SMYD3: variants seen among roughly 807,000 people sequenced by gnomAD.
SMYD3 encodes histone-lysine N-methyltransferase SMYD3.
SMYD3 carries 36 observed loss-of-function variants against 57.7 expected under a neutral mutation model. That is an observed-to-expected ratio of 0.62 (90% CI 0.48 to 0.82). The LOEUF is 0.82. Among genes scored for constraint, SMYD3 ranks in the 40% least tolerant of loss-of-function variants. The pLI, the probability that SMYD3 is intolerant of heterozygous loss-of-function variation, is 0.00. For missense variants in SMYD3, 515 were observed against 538.8 expected (o/e 0.96, Z 0.44); for synonymous variants, 211 against 195.0 (o/e 1.08, Z -0.68).
intron 5 of SMYD3, among the ~76,000 whole-genome samples, chr1:245,956,811 G>A (rs1385268194): frequency 1.3e-5 from 2 of 152,210 alleles, no homozygotes; most frequent in African/African-American, 4.8e-5. Context: ...CTTCCATTCT[G>A]TTGGAGCAAT....
chr1:246,178,600 T>C (rs1219533430), intron 5 of SMYD3, among the ~76,000 whole-genome samples: 1 of 152,274 alleles, frequency 6.6e-6, no homozygotes, highest in South Asian at 2.1e-4. Flanking sequence ...GGCTACAGCA[T>C]AAAAACAGGC....
chr1:245,756,006 G>A (rs183527490), intron 11 of SMYD3, among the ~76,000 whole-genome samples: 7 of 150,478 alleles, frequency 4.7e-5, no homozygotes, highest in Admixed American at 4.0e-4. Context: ...CCTTTCTGTG[G>A]GTTAAACTTT....
At chr1:246,241,890 A>G (rs1277568949) in intron 5 of SMYD3, among the ~76,000 whole-genome samples, 3 of 152,134 alleles carry the variant, frequency 2.0e-5, no homozygotes, top group Admixed American at 2.0e-4. Context: ...AGAGGTGTTT[A>G]TAGTATTCTC....
At chr1:245,870,820 G>T (rs867539213) in intron 8 of SMYD3, among the ~76,000 whole-genome samples, 1 of 66,118 alleles carries the variant, frequency 1.5e-5, no homozygotes, top group South Asian at 1.0e-3. Flanking sequence ...GTGACCACGG[G>T]CTCTGTCAGG....
intron 5 of SMYD3, among the ~76,000 whole-genome samples, chr1:246,314,335 T>C (rs1260802704): frequency 6.6e-6 from 1 of 152,104 alleles, no homozygotes; most frequent in Non-Finnish European, 1.5e-5. Flanking sequence ...CAGAATGCAG[T>C]ATGGTGGAAT....
At chr1:246,077,564 T>C (rs928114765) in intron 5 of SMYD3, among the ~76,000 whole-genome samples, 1 of 152,170 alleles carries the variant, frequency 6.6e-6, no homozygotes, top group Non-Finnish European at 1.5e-5. Context: ...GGAATCTTTT[T>C]TTTTTCTGTA....
chr1:246,302,738 C>T (rs1237382626), intron 5 of SMYD3, among the ~76,000 whole-genome samples: 1 of 152,012 alleles, frequency 6.6e-6, no homozygotes, highest in Non-Finnish European at 1.5e-5. Context: ...GCCACAACTC[C>T]CAATTTTCCA....
intron 1 of SMYD3, among the ~76,000 whole-genome samples, chr1:246,468,874 G>A (rs2067919422): frequency 6.6e-6 from 1 of 152,120 alleles, no homozygotes. Flanking sequence ...TACTTAGGAG[G>A]CTAAGGCAGG....
At chr1:246,220,011 G>A (rs1251393101) in intron 5 of SMYD3, among the ~76,000 whole-genome samples, 1 of 152,146 alleles carries the variant, frequency 6.6e-6, no homozygotes, top group Admixed American at 6.5e-5. Flanking sequence ...CCTGTTGCAA[G>A]TCCCACGAGG....
At chr1:246,312,743 T>G (rs1466192217) in intron 5 of SMYD3, among the ~76,000 whole-genome samples, 2 of 152,170 alleles carry the variant, frequency 1.3e-5, no homozygotes, top group Non-Finnish European at 2.9e-5. Context: ...AGCACCATAT[T>G]GTCATTCAAC....
intron 5 of SMYD3, among the ~76,000 whole-genome samples, chr1:246,148,310 T>G (rs1282884841): frequency 6.6e-6 from 1 of 152,104 alleles, no homozygotes; most frequent in Non-Finnish European, 1.5e-5. Context: ...TTCAGAGACC[T>G]GCAGAGATGT....
At chr1:246,411,526 A>C (rs1203711190) in intron 1 of SMYD3, among the ~76,000 whole-genome samples, 2 of 152,190 alleles carry the variant, frequency 1.3e-5, no homozygotes, top group African/African-American at 2.4e-5. Context: ...ACACGCACAC[A>C]TATGTTTATT....
At chr1:246,134,124 A>C (rs979326538) in intron 5 of SMYD3, among the ~76,000 whole-genome samples, 2 of 152,146 alleles carry the variant, frequency 1.3e-5, no homozygotes, top group African/African-American at 4.8e-5. Context: ...ACCTAGCTTC[A>C]TAAGCATGTC....
At chr1:246,504,777 C>CA (rs2068510599) in intron 1 of SMYD3, among the ~76,000 whole-genome samples, 1 of 152,102 alleles carries the variant, frequency 6.6e-6, no homozygotes, top group African/African-American at 2.4e-5. Flanking sequence ...ACTGGGGCTA[C>CA]AAAAACTGAA....
intron 5 of SMYD3, among the ~76,000 whole-genome samples, chr1:246,311,567 A>C (rs933120812): frequency 6.6e-6 from 1 of 152,260 alleles, no homozygotes; most frequent in Admixed American, 6.5e-5. Flanking sequence ...AATCAGAATA[A>C]CTTACAGGTA....
intron 5 of SMYD3, among the ~76,000 whole-genome samples, chr1:246,021,927 G>A (rs1335366016): frequency 6.6e-6 from 1 of 152,134 alleles, no homozygotes; most frequent in Non-Finnish European, 1.5e-5. Context: ...CCTCTTGGAA[G>A]GTTTGACTGG....
chr1:246,274,558 T>C (rs184850798), intron 5 of SMYD3, among the ~76,000 whole-genome samples: 10 of 152,290 alleles, frequency 6.6e-5, no homozygotes, highest in East Asian at 1.9e-4. Flanking sequence ...AACTACAACA[T>C]AGAACTTTTA....
At chr1:246,365,603 T>G (rs541105924) in intron 1 of SMYD3, among the ~76,000 whole-genome samples, 1 of 151,904 alleles carries the variant, frequency 6.6e-6, no homozygotes, top group Non-Finnish European at 1.5e-5. Context: ...TGTAATTTTT[T>G]AATCTCCTCG....
chr1:246,218,788 C>A (rs1408018482), intron 5 of SMYD3, among the ~76,000 whole-genome samples: 1 of 152,078 alleles, frequency 6.6e-6, no homozygotes. Context: ...GGTATCTTAG[C>A]CAAAAGCCTG....
Sources: allele counts gnomAD v4.1 joint callset (sites outside exome capture counted in the v4.1 genomes callset), GRCh38; gene constraint gnomAD v4.1.1; transcripts MANE v1.5; gene names NCBI Gene and HGNC (gene_info 2026-07-23, HGNC 2026-07-21).